DNM3: variants seen among roughly 807,000 people sequenced by gnomAD.
DNM3 encodes the protein dynamin 3.
A neutral mutation model predicts 101.6 loss-of-function variants in DNM3; 47 were observed. That is an observed-to-expected ratio of 0.46 (90% confidence interval 0.37 to 0.59). The LOEUF is 0.59. Ranked by LOEUF, DNM3 falls within the 20% of genes least tolerant of loss-of-function variation. DNM3 has a pLI of 0.00. For missense variants in DNM3, 849 were observed against 1,085.7 expected (o/e 0.78, Z 3.06); for synonymous variants, 385 against 387.9 (o/e 0.99, Z 0.09).
intron 16 of DNM3, among the ~76,000 whole-genome samples, chr1:172,319,083 G>A (rs533878093): frequency 3.2e-4 from 49 of 152,060 alleles, no homozygotes; most frequent in Admixed American, 1.5e-3. Flanking sequence ...AAATAACGCC[G>A]CATATCTACA....
At chr1:172,224,969 C>G (rs1005782650) in intron 14 of DNM3, among the ~76,000 whole-genome samples, 8 of 151,874 alleles carry the variant, frequency 5.3e-5, no homozygotes, top group Non-Finnish European at 1.0e-4. Context: ...TCTGGTCTTC[C>G]CTCTCATTTC....
At chr1:172,015,875 C>A (rs1301090554) in intron 4 of DNM3, among the ~76,000 whole-genome samples, 1 of 152,048 alleles carries the variant, frequency 6.6e-6, no homozygotes, top group Non-Finnish European at 1.5e-5. Context: ...TTGAGGTTTT[C>A]ACCATTAAGA....
chr1:172,120,156 G>T (rs1558600554), intron 13 of DNM3, among the ~76,000 whole-genome samples: 1 of 152,188 alleles, frequency 6.6e-6, no homozygotes, highest in Non-Finnish European at 1.5e-5. Flanking sequence ...AAGAAAAAGA[G>T]GTTTAATGGA....
rs1253104482 is a variant in DNM3, at chr1:172,253,618, C to T, written c.1705C>T (p.Arg569Trp). 1.9e-6 allele frequency: 3 copies of T among 1,592,552 alleles called. No individual in the cohort carries two copies. Among genetic ancestry groups the T allele is most frequent in the Non-Finnish European group, 2.6e-6 (3 of 1,169,088 alleles). ...YMLPLDNLKVRDVEKSFMSSK... is the reference protein window; with the variant it reads ...YMLPLDNLKVWDVEKSFMSSK... Reference sequence around the variant, plus strand: ...GCTTCCCTTGGACAACCTGAAAGTTCGGGATGTGGAAAAGAGCTTTATGTC... The same window carrying T: ...GCTTCCCTTGGACAACCTGAAAGTTTGGGATGTGGAAAAGAGCTTTATGTC... Residue 569 changes from arginine (R) to tryptophan (W), a missense_variant, in exon 15 of 21, where the codon CGG (arginine) becomes TGG (tryptophan). Around this residue, in one of 5 missense-constraint regions of DNM3, gnomAD observed 193 missense variants for 238.4 expected, o/e 0.81. Transcript: ENST00000627582.
intron 1 of DNM3, among the ~76,000 whole-genome samples, chr1:171,883,558 G>A (rs1029254599): frequency 1.3e-5 from 2 of 150,910 alleles, no homozygotes; most frequent in Admixed American, 6.6e-5. Context: ...TGCAACTTCC[G>A]CCTCCCGGGT....
At chr1:172,020,815 T>C (rs1000364787) in intron 4 of DNM3, among the ~76,000 whole-genome samples, 1 of 151,830 alleles carries the variant, frequency 6.6e-6, no homozygotes, top group Admixed American at 6.6e-5. Context: ...TAAGGGGATT[T>C]TTCTCTTTAA....
intron 15 of DNM3, among the ~76,000 whole-genome samples, chr1:172,257,662 A>G (rs900824264): frequency 6.6e-6 from 1 of 152,062 alleles, no homozygotes; most frequent in African/African-American, 2.4e-5. Context: ...ATCAAATCAG[A>G]GTATTTAGGA....
intron 20 of DNM3, 155 bp downstream of exon 20, chr1:172,388,964 C>A (rs561981382): frequency 6.1e-6 from 4 of 656,174 alleles, no homozygotes; most frequent in Admixed American, 2.9e-5. Context: ...AAATTGCCAA[C>A]CCTGTTATGC....
intron 11 of DNM3, among the ~76,000 whole-genome samples, chr1:172,069,198 T>A (rs2125936981): frequency 6.6e-6 from 1 of 152,340 alleles, no homozygotes; most frequent in Non-Finnish European, 1.5e-5. Context: ...GGATCATGCA[T>A]ACATCCTACT....
chr1:172,350,307 CATTTT>C (rs2067139031), intron 17 of DNM3, among the ~76,000 whole-genome samples: 1 of 123,516 alleles, frequency 8.1e-6, no homozygotes, highest in Non-Finnish European at 1.7e-5. Flanking sequence ...CATACCCTTC[CATTTT>C]ATCTTGTGTG....
intron 13 of DNM3, among the ~76,000 whole-genome samples, chr1:172,107,477 A>G (rs2055146782): frequency 6.6e-6 from 1 of 152,166 alleles, no homozygotes; most frequent in African/African-American, 2.4e-5. Flanking sequence ...ACTGCTGCAC[A>G]GGGATGTCAA....
At chr1:172,015,545 G>A (rs1159352014) in intron 4 of DNM3, among the ~76,000 whole-genome samples, 1 of 151,986 alleles carries the variant, frequency 6.6e-6, no homozygotes, top group Non-Finnish European at 1.5e-5. Flanking sequence ...AAATAGTAAT[G>A]TACTTTTAAT....
At chr1:171,917,990 G>A (rs1200124366) in intron 1 of DNM3, among the ~76,000 whole-genome samples, 4 of 152,176 alleles carry the variant, frequency 2.6e-5, no homozygotes, top group African/African-American at 9.7e-5. Flanking sequence ...TATTGTTCGT[G>A]TCAGTGCTTT....
chr1:172,387,017 G>A, intron 18 of DNM3, 116 bp from the exon 19 acceptor site: 1 of 781,818 alleles, frequency 1.3e-6, no homozygotes, highest in Non-Finnish European at 2.1e-6. Flanking sequence ...TTCCCAGGGT[G>A]GACTTTGGTG....
intron 6 of DNM3, among the ~76,000 whole-genome samples, chr1:172,035,511 T>C (rs968331967): frequency 3.3e-5 from 5 of 152,058 alleles, no homozygotes; most frequent in African/African-American, 1.2e-4. Context: ...TCCAAGGAAA[T>C]AGAGAAGATA....
intron 14 of DNM3, among the ~76,000 whole-genome samples, chr1:172,247,374 G>A (rs1446928102): frequency 6.6e-6 from 1 of 152,046 alleles, no homozygotes; most frequent in Non-Finnish European, 1.5e-5. Context: ...GAAGGGGGTG[G>A]TAAAAACTAG....
At chr1:172,117,132 G>A (rs2055961517) in intron 13 of DNM3, among the ~76,000 whole-genome samples, 1 of 151,848 alleles carries the variant, frequency 6.6e-6, no homozygotes, top group Non-Finnish European at 1.5e-5. Context: ...TTGAACCTAG[G>A]AGGCAGAGGT....
At chr1:171,893,453 C>CT (rs5778713) in intron 1 of DNM3, among the ~76,000 whole-genome samples, 63,277 of 147,444 alleles carry the variant, frequency 0.43, 13,422 homozygotes, top group African/African-American at 0.44. Context: ...TAATATTTGA[C>CT]TTTTTTTTTT....
chr1:171,971,765 T>A (rs1408552943), intron 2 of DNM3, among the ~76,000 whole-genome samples: 2 of 151,682 alleles, frequency 1.3e-5, no homozygotes, highest in Non-Finnish European at 2.9e-5. Context: ...CCAACACAGG[T>A]TTTGGGAAAT....
Sources: allele counts gnomAD v4.1 joint callset (sites outside exome capture counted in the v4.1 genomes callset), GRCh38; gene constraint gnomAD v4.1.1; regional missense constraint gnomAD v4.1.1; transcripts MANE v1.5; gene names NCBI Gene and HGNC (gene_info 2026-07-23, HGNC 2026-07-21).